Variants in SERINC3 observed in about 807,000 individuals in gnomAD.
The protein encoded by SERINC3 is tumor differentially expressed protein 1.
Under a neutral mutation model 52.1 loss-of-function variants are expected in SERINC3, and 22 were observed. The ratio of observed to expected loss-of-function variants is 0.42; its 90% CI spans 0.30 to 0.60. The LOEUF is 0.60. Ranked by LOEUF, SERINC3 falls within the 20% of genes least tolerant of loss-of-function variation. The probability of loss-of-function intolerance (pLI) is 0.16; values close to 1 mark genes in which losing one functional copy is unlikely to be tolerated. For missense variants in SERINC3, 564 were observed against 584.6 expected (o/e 0.96, Z 0.36); for synonymous variants, 226 against 212.7 (o/e 1.06, Z -0.54).
intron 1 of SERINC3, chr20:44,519,247 A>G: frequency 6.3e-6 from 1 of 158,436 alleles, no homozygotes; most frequent in East Asian, 1.9e-4. Context: ...TCCTTTTTTC[A>G]AACTCTGTAA....
chr20:44,505,171 A>G (rs2064303536), intron 6 of SERINC3, among the ~76,000 whole-genome samples: 1 of 152,226 alleles, frequency 6.6e-6, no homozygotes, highest in Non-Finnish European at 1.5e-5. Context: ...GTGTAGTGAA[A>G]AGATCTAAGA....
At chr20:44,520,318 G>C (rs1267084047) in intron 1 of SERINC3, among the ~76,000 whole-genome samples, 1 of 152,162 alleles carries the variant, frequency 6.6e-6, no homozygotes, top group Non-Finnish European at 1.5e-5. Context: ...AGCCGAGATG[G>C]CGCCACTGCC....
At chr20:44,503,651 A>C (rs1174524053) in intron 8 of SERINC3, among the ~76,000 whole-genome samples, 164 bp downstream of exon 8, 1 of 152,242 alleles carries the variant, frequency 6.6e-6, no homozygotes, top group Non-Finnish European at 1.5e-5. Context: ...CTGTCTCAAA[A>C]AAATATATAT....
At chr20:44,502,277 G>C (rs1600808687) in intron 8 of SERINC3, among the ~76,000 whole-genome samples, 1 of 152,212 alleles carries the variant, frequency 6.6e-6, no homozygotes, top group African/African-American at 2.4e-5. Context: ...CAAAGTTGCA[G>C]GATACAAGAT....
chr20:44,512,093 ACCT>A (rs1162396674), intron 3 of SERINC3, among the ~76,000 whole-genome samples: 3 of 152,192 alleles, frequency 2.0e-5, no homozygotes, highest in African/African-American at 7.2e-5. Flanking sequence ...CGGGCGGACC[ACCT>A]GAGGTCACGA....
rs1400255094 is a variant in SERINC3 at position 44,499,249 on chromosome 20, C to G, written c.*1047G>C. The G allele has an allele frequency of 6.6e-6, 1 of 152,346 alleles. No homozygotes were observed. The highest frequency in any genetic ancestry group is 1.5e-5 in the Non-Finnish European group (1 of 68,044). The allele number at this position is 152,346 out of a possible 1,614,324, so 9.4% of individuals were successfully genotyped here. ...TATTCTACCTTTTTGCACACCACCT[C>G]TCATGAAAATGGTTCTTGACAATGC... On this transcript the variant is annotated 3_prime_UTR_variant, in exon 10 of 10. Transcript: ENST00000342374.
intron 6 of SERINC3, among the ~76,000 whole-genome samples, chr20:44,506,360 G>A (rs1454693214): frequency 9.3e-5 from 14 of 150,858 alleles, no homozygotes; most frequent in African/African-American, 2.4e-4. Context: ...TTGGGAGGCC[G>A]AGGCGGGTGG....
chr20:44,501,019 A>G, intron 9 of SERINC3, 54 bp downstream of exon 9: 2 of 1,316,316 alleles, frequency 1.5e-6, no homozygotes, highest in Non-Finnish European at 2.2e-6. Context: ...ATGAGATTTT[A>G]TAGGCCATCC....
chr20:44,516,738 A>G (rs904679889), intron 1 of SERINC3, among the ~76,000 whole-genome samples: 3 of 152,204 alleles, frequency 2.0e-5, no homozygotes, highest in Non-Finnish European at 4.4e-5. Context: ...TCTGTTGCCC[A>G]AGCTGGAGTA....
intron 5 of SERINC3, among the ~76,000 whole-genome samples, chr20:44,509,218 G>C (rs2064332722): frequency 6.6e-6 from 1 of 152,056 alleles, no homozygotes; most frequent in African/African-American, 2.4e-5. Flanking sequence ...TTCATAGCAG[G>C]TATGGGGCCC....
At position 44,514,479 on chromosome 20, in the gene SERINC3, G is replaced by A. The variant is rs2064367484; in HGVS notation, c.40-439C>T. On this transcript the variant is annotated intron_variant, in intron 1 of 9. Coordinates refer to ENST00000342374, the MANE Select transcript of SERINC3 (RefSeq NM_006811.4). ...CTGATATTACAACATAAAGCAACAT[G>A]CCGGGCGTGGTGGCTCACGCCTGTA... 2.0e-5 allele frequency among the ~76,000 whole-genome samples: 3 copies of A among 152,248 alleles called. No individual in the cohort carries two copies. In the South Asian group the frequency reaches 6.2e-4, roughly 31 times the overall value.
chr20:44,505,644 G>A (rs963859991), intron 6 of SERINC3, among the ~76,000 whole-genome samples: 1 of 149,186 alleles, frequency 6.7e-6, no homozygotes, highest in Non-Finnish European at 1.5e-5. Flanking sequence ...TATTGCCCAG[G>A]CTGGAGTGCA....
intron 1 of SERINC3, among the ~76,000 whole-genome samples, chr20:44,521,457 A>C (rs1045976841): frequency 3.3e-5 from 5 of 152,224 alleles, no homozygotes; most frequent in Admixed American, 1.3e-4. Flanking sequence ...AACTGCAGAC[A>C]AGCCTCCGCT....
At chr20:44,510,580 G>C (rs1229646936) in intron 4 of SERINC3, among the ~76,000 whole-genome samples, 1 of 152,190 alleles carries the variant, frequency 6.6e-6, no homozygotes, top group Non-Finnish European at 1.5e-5. Flanking sequence ...TCAGGAGGCT[G>C]AGGCAGGTGG....
intron 5 of SERINC3, among the ~76,000 whole-genome samples, 196 bp downstream of exon 5, chr20:44,509,695 A>G (rs978966601): frequency 1.3e-5 from 2 of 150,194 alleles, no homozygotes; most frequent in African/African-American, 4.9e-5. Flanking sequence ...TGCCTGGCAA[A>G]TTTTTTTTTT....
chr20:44,506,364 C>A (rs776749405), intron 6 of SERINC3, among the ~76,000 whole-genome samples: 2 of 150,438 alleles, frequency 1.3e-5, no homozygotes, highest in Non-Finnish European at 3.0e-5. Context: ...GAGGCCGAGG[C>A]GGGTGGATCA....
At chr20:44,501,006 T>C (rs1568783437) in intron 9 of SERINC3, 67 bp downstream of exon 9, 3 of 1,162,950 alleles carry the variant, frequency 2.6e-6, no homozygotes, top group East Asian at 4.7e-5. Flanking sequence ...GTCAGGACAA[T>C]GGATGAGATT....
chr20:44,512,131 G>A (rs1000566066), intron 3 of SERINC3, among the ~76,000 whole-genome samples: 1 of 152,062 alleles, frequency 6.6e-6, no homozygotes, highest in African/African-American at 2.4e-5. Context: ...TGGCCAACAC[G>A]GTGAAACCCC....
At chr20:44,512,059 G>T (rs1296642741) in intron 3 of SERINC3, among the ~76,000 whole-genome samples, 10 of 152,138 alleles carry the variant, frequency 6.6e-5, no homozygotes, top group Non-Finnish European at 8.8e-5. Flanking sequence ...ACGCCTGTAA[G>T]CCCAGCACTT....
Sources: allele counts gnomAD v4.1 joint callset (sites outside exome capture counted in the v4.1 genomes callset), GRCh38; gene constraint gnomAD v4.1.1; transcripts MANE v1.5; gene names NCBI Gene and HGNC (gene_info 2026-07-23, HGNC 2026-07-21).